HIRA: variants seen among roughly 807,000 people sequenced by gnomAD.
HIRA encodes the protein protein HIRA.
Under a neutral mutation model 126.6 loss-of-function variants are expected in HIRA, and 13 were observed. The ratio of observed to expected loss-of-function variants is 0.10; its 90% CI spans 0.07 to 0.16. HIRA has a LOEUF of 0.16. Among genes scored for constraint, HIRA ranks in the 10% least tolerant of loss-of-function variants. HIRA has a pLI of 1.00. For synonymous variants in HIRA, 511 were observed against 520.0 expected (o/e 0.98, Z 0.24); for missense variants, 834 against 1,314.4 (o/e 0.63, Z 5.65).
chr22:19,405,722 G>A, intron 5 of HIRA, 64 bp downstream of exon 5: 1 of 1,180,074 alleles, frequency 8.5e-7, no homozygotes, highest in Middle Eastern at 2.5e-4. Context: ...AGGGGACGTG[G>A]CGGTGCTGCT....
chr22:19,391,460 T>G (rs2089180598), intron 9 of HIRA, among the ~76,000 whole-genome samples: 1 of 151,850 alleles, frequency 6.6e-6, no homozygotes, highest in Admixed American at 6.6e-5. Flanking sequence ...GTGAATACAC[T>G]TTATATAAAG....
intron 15 of HIRA, among the ~76,000 whole-genome samples, chr22:19,374,028 T>G (rs1043594397): frequency 6.6e-6 from 1 of 151,254 alleles, no homozygotes; most frequent in Non-Finnish European, 1.5e-5. Flanking sequence ...AATCCAGCAT[T>G]TCAAAGTATT....
intron 14 of HIRA, among the ~76,000 whole-genome samples, chr22:19,376,566 A>C (rs2089021173): frequency 6.6e-6 from 1 of 152,142 alleles, no homozygotes; most frequent in African/African-American, 2.4e-5. Flanking sequence ...GGCCATCCCC[A>C]CAGAGTTCTC....
Position 19,371,108 on chromosome 22 carries a change from T to G in HIRA, c.1775+4523A>C, listed in dbSNP as rs144757198. Among the ~76,000 whole-genome samples, 24 of 152,354 alleles carry G rather than the reference T, an allele frequency of 1.6e-4. 1 individual carries two copies. Among genetic ancestry groups the G allele is most frequent in the African/African-American group, 5.8e-4 (24 of 41,578 alleles). On this transcript the variant is annotated intron_variant, in intron 15 of 24. Coordinates refer to ENST00000263208, the MANE Select transcript of HIRA (RefSeq NM_003325.4). ...ATAAGCAGGACTGTCTGTGGCACAC[T>G]GTAGTTTCTCTCAGGTGGGGAATTC...
intron 24 of HIRA, among the ~76,000 whole-genome samples, chr22:19,340,712 G>C (rs1556007312): frequency 6.6e-6 from 1 of 152,110 alleles, no homozygotes; most frequent in African/African-American, 2.4e-5. Flanking sequence ...TAACACTGCT[G>C]TATACCAACA....
chr22:19,374,725 T>C (rs912511636), intron 15 of HIRA, among the ~76,000 whole-genome samples: 3 of 152,186 alleles, frequency 2.0e-5, no homozygotes, highest in Non-Finnish European at 4.4e-5. Context: ...GCTCCTTTCA[T>C]TGGGCACCTG....
At chr22:19,395,845 T>C (rs2089219327) in intron 7 of HIRA, among the ~76,000 whole-genome samples, 1 of 152,250 alleles carries the variant, frequency 6.6e-6, no homozygotes, top group South Asian at 2.1e-4. Context: ...TATTGCCTTC[T>C]ATACAGTAGA....
chr22:19,394,559 CA>C (rs2089207604), intron 7 of HIRA, 50 bp from the exon 8 acceptor site: 1 of 1,571,970 alleles, frequency 6.4e-7, no homozygotes. Flanking sequence ...CCTTTGTGAC[CA>C]AAACTCTGGC....
intron 13 of HIRA, 60 bp downstream of exon 13, chr22:19,383,560 G>A (rs971249581): frequency 4.1e-5 from 55 of 1,346,098 alleles, no homozygotes; most frequent in African/African-American, 1.0e-4. Context: ...AGTGTTAACC[G>A]CTGAAAGAAG....
chr22:19,396,657 G>T, intron 7 of HIRA, 130 bp downstream of exon 7: 3 of 860,242 alleles, frequency 3.5e-6, no homozygotes, highest in Non-Finnish European at 5.5e-6. Flanking sequence ...TGGTGAATCC[G>T]CTCAGGCCCC....
intron 13 of HIRA, among the ~76,000 whole-genome samples, chr22:19,382,771 C>CT (rs796469831): frequency 0.018 from 1,834 of 102,106 alleles, 22 homozygotes; most frequent in Middle Eastern, 0.028. Flanking sequence ...ATTTTTCTTT[C>CT]TTTTTTTTTT....
intron 14 of HIRA, among the ~76,000 whole-genome samples, chr22:19,376,255 G>A (rs978681289): frequency 3.9e-5 from 6 of 152,086 alleles, no homozygotes; most frequent in East Asian, 1.9e-4. Context: ...CATCCTGAGC[G>A]GCCCCTCCCA....
chr22:19,412,623 C>T (rs1173856389), intron 1 of HIRA, among the ~76,000 whole-genome samples: 1 of 152,172 alleles, frequency 6.6e-6, no homozygotes, highest in African/African-American at 2.4e-5. Flanking sequence ...GTCTGTGAGA[C>T]ATTGTATTAC....
At chr22:19,419,843 C>T (rs552085681) in intron 1 of HIRA, among the ~76,000 whole-genome samples, 1 of 152,268 alleles carries the variant, frequency 6.6e-6, no homozygotes, top group East Asian at 1.9e-4. Flanking sequence ...ACTCAGATTT[C>T]GCCAACTGCC....
chr22:19,332,778 A>T (rs1556004909), intron 24 of HIRA, among the ~76,000 whole-genome samples: 2 of 145,596 alleles, frequency 1.4e-5, no homozygotes, highest in Non-Finnish European at 1.5e-5. Context: ...AGGGGAAAGG[A>T]AAAAAAAAAA....
intron 24 of HIRA, among the ~76,000 whole-genome samples, chr22:19,339,463 C>T (rs575114732): frequency 9.2e-5 from 14 of 152,122 alleles, no homozygotes; most frequent in African/African-American, 2.9e-4. Context: ...GCCAAAACCC[C>T]GTCTCTATCA....
chr22:19,334,295 T>A (rs191086892), intron 24 of HIRA, among the ~76,000 whole-genome samples: 11 of 151,186 alleles, frequency 7.3e-5, no homozygotes, highest in Admixed American at 5.9e-4. Context: ...TCATATATAG[T>A]TTTCCTGATT....
At chr22:19,361,372 G>A (rs753171770) in intron 16 of HIRA, 31 bp from the exon 17 acceptor site, 54 of 1,573,624 alleles carry the variant, frequency 3.4e-5, no homozygotes, top group Non-Finnish European at 4.6e-5. Context: ...CCTGAGCCTT[G>A]CTCTAACACT....
intron 8 of HIRA, 92 bp downstream of exon 8, chr22:19,394,250 T>C (rs1342228125): frequency 1.4e-6 from 2 of 1,431,456 alleles, no homozygotes; most frequent in Non-Finnish European, 1.9e-6. Context: ...AATTAGCTTT[T>C]AAATATTTAA....
Sources: gnomAD v4.1 joint callset for allele counts (sites outside exome capture counted in the v4.1 genomes callset) on GRCh38, gnomAD v4.1.1 for gene constraint, MANE v1.5 for transcripts, NCBI Gene and HGNC (gene_info 2026-07-23, HGNC 2026-07-21) for gene names.